The following NAPA variants were observed in gnomAD, a reference collection of about 807,000 sequenced individuals.
NAPA encodes alpha-soluble NSF attachment protein.
Under a neutral mutation model 48.0 loss-of-function variants are expected in NAPA, and 18 were observed. That is an observed-to-expected ratio of 0.38 (90% CI 0.26 to 0.56). The LOEUF is 0.56. NAPA is among the 20% of genes least tolerant of loss of function. The pLI, the probability that NAPA is intolerant of heterozygous loss-of-function variation, is 0.77. For missense variants in NAPA, 315 were observed against 385.0 expected, an observed-to-expected ratio of 0.82 and a Z score of 1.52; for synonymous variants, 152 against 149.9, an observed-to-expected ratio of 1.01 and a Z score of -0.10.
Position 47,503,465 on chromosome 19 carries a change from C to A in NAPA, c.136G>T (p.Ala46Ser). The change falls in exon 2 of 11, where the codon GCC becomes TCC. Residue 46 changes from alanine to serine, a missense_variant. By Grantham distance (99) the Ala-to-Ser change is moderately conservative. Around this residue, in one of 3 missense-constraint regions of NAPA, gnomAD observed 173 missense variants for 213.5 expected, o/e 0.81. Coordinates refer to ENST00000263354, the MANE Select transcript of NAPA (RefSeq NM_003827.4). ...SKIEEACEIYARAANMFKMAK... is the reference protein window; with the variant it reads ...SKIEEACEIYSRAANMFKMAK... ...ATTTTGAACATGTTTGCTGCTCTGG[C>A]GTAGATTTCGCATGCTTCCTCTATT... The A allele has an allele frequency of 6.2e-7, 1 of 1,614,118 alleles. No homozygotes were observed. Among genetic ancestry groups the A allele is most frequent in the South Asian group, 1.1e-5 (1 of 91,086 alleles).
chr19:47,495,393 C>T, intron 4 of NAPA, 157 bp downstream of exon 4: 1 of 800,220 alleles, frequency 1.2e-6, no homozygotes, highest in Non-Finnish European at 2.1e-6. Context: ...CAGCCCAGGC[C>T]AGCTCAGGTG....
rs934699361 is a variant in NAPA, at chr19:47,495,738, C to T, written c.296-142G>A. 10 of 742,422 alleles carry T rather than the reference C, an allele frequency of 1.3e-5. No individual in the cohort carries two copies. The South Asian group carries it at 1.6e-4, about 12-fold the overall frequency. The allele number at this position is 742,422 out of a possible 1,614,324, so 46.0% of individuals were successfully genotyped here. A position where few individuals can be genotyped will look rare whatever the true frequency, so the allele number is the denominator to read the frequency against. On this transcript the variant is annotated intron_variant, in intron 3 of 10. Transcript: ENST00000263354. The stretch of plus-strand genomic sequence containing the variant: ...TCAGAGCTGCCAGCGCTGCCACACA[C>T]TCTCAAGGGGCTGGGAAGAAGGGGA...
At position 47,492,819 on chromosome 19, in the gene NAPA, AT is replaced by A. The variant is rs760064607; in HGVS notation, c.561+141del. The A allele has an allele frequency of 3.8e-5, 29 of 767,726 alleles. No individual in the cohort carries two copies. In the South Asian group the frequency reaches 4.2e-4, roughly 11 times the overall value. The allele number at this position is 767,726 out of a possible 1,614,324, so 47.6% of individuals were successfully genotyped here. ...GCCAGGCTGAAGACAGGGTGGGGGG[AT>A]GACATGGCAAGGGATGTCGGGGGAG... On this transcript the variant is annotated intron_variant, in intron 7 of 10. Transcript: ENST00000263354.
chr19:47,506,182 G>T lies in NAPA; in HGVS notation c.99-2680C>A, dbSNP rs1244108165. Among the ~76,000 whole-genome samples, 1 of 151,958 alleles carries T rather than the reference G, an allele frequency of 6.6e-6. No individual in the cohort carries two copies. Among genetic ancestry groups the T allele is most frequent in the Non-Finnish European group, 1.5e-5 (1 of 68,002 alleles). ...CCTACTAATTTTTGTATTATTAGTA[G>T]AGACAGGGTTTCACCACGTTGGCCA... On this transcript the variant is annotated intron_variant, in intron 1 of 10. Transcript: ENST00000263354. This position sits in a 1 kb window ranked among gnomAD's most constrained non-coding sequence, Gnocchi z 4.0.
chr19:47,492,604 C>T (rs953668416), intron 7 of NAPA: 16 of 433,962 alleles, frequency 3.7e-5, no homozygotes, highest in Admixed American at 6.6e-5. Flanking sequence ...TGAGGACCAT[C>T]GGGCCATGGG....
chr19:47,484,706 ATTTTTTTTT>A (rs35425298), downstream of NAPA, among the ~76,000 whole-genome samples: 3 of 129,174 alleles, frequency 2.3e-5, no homozygotes, highest in Non-Finnish European at 4.9e-5. Context: ...ACAGTTCACT[ATTTTTTTTT>A]TTTTTTTTTT....
At position 47,495,602 on chromosome 19, in the gene NAPA, G is replaced by A. The variant is rs1255574750; in HGVS notation, c.296-6C>T. The A allele has an allele frequency of 6.2e-7, 1 of 1,613,730 alleles. No individual in the cohort carries two copies. The highest frequency in any genetic ancestry group is 8.5e-7 in the Non-Finnish European group (1 of 1,179,836). On this transcript the variant is annotated splice_region_variant and splice_polypyrimidine_tract_variant and intron_variant, in intron 3 of 10. Coordinates refer to ENST00000263354, the MANE Select transcript of NAPA (RefSeq NM_003827.4). ...CATCAAACAGTTAATGGCCTCTGGA[G>A]AGAAAGGGAGGTGGGAGGAGACATG...
chr19:47,504,828 A>C (rs1233873048), intron 1 of NAPA, among the ~76,000 whole-genome samples: 1 of 152,204 alleles, frequency 6.6e-6, no homozygotes, highest in African/African-American at 2.4e-5. Flanking sequence ...TATCCTAAAA[A>C]AACTAATCAG....
At chr19:47,503,307 G>A (rs1278692631) in intron 2 of NAPA, 116 bp downstream of exon 2, 2 of 920,466 alleles carry the variant, frequency 2.2e-6, no homozygotes, top group African/African-American at 1.6e-5. Context: ...TCCGATGCCG[G>A]AGAGGGCATA....
rs2056690 is a variant in NAPA, at chr19:47,498,108, C to T, written c.296-2512G>A. Among the ~76,000 whole-genome samples the T allele has an allele frequency of 9.9e-3, 1,514 of 152,322 alleles. 39 individuals carry two copies. Among genetic ancestry groups the T allele is most frequent in the African/African-American group, 0.034 (1,426 of 41,558 alleles). On this transcript the variant is annotated intron_variant, in intron 3 of 10. Transcript: ENST00000263354. ...AGGGAGAGGAATTCGGGAGCCCAGT[C>T]GGGCCTCAGGCACACTCCAGCTGCC...
chr19:47,495,682 C>G, intron 3 of NAPA, 86 bp from the exon 4 acceptor site: 2 of 1,306,470 alleles, frequency 1.5e-6, no homozygotes, highest in Admixed American at 3.4e-5. Flanking sequence ...CGCAGGCGCA[C>G]CTGGCTGCCA....
intron 1 of NAPA, among the ~76,000 whole-genome samples, chr19:47,509,610 C>T (rs1968767984): frequency 1.3e-5 from 2 of 152,212 alleles, no homozygotes; most frequent in Admixed American, 6.5e-5. Context: ...ATTCCAGGCA[C>T]GCTTCCCTAC....
chr19:47,502,383 T>C (rs1968599066), intron 2 of NAPA, among the ~76,000 whole-genome samples: 1 of 150,196 alleles, frequency 6.7e-6, no homozygotes, highest in Non-Finnish European at 1.5e-5. Context: ...AATTAAAAAA[T>C]AAGCTTTTTT....
chr19:47,490,664 A>ACAAAACAAAAC, intron 9 of NAPA, 124 bp downstream of exon 9: 1 of 820,936 alleles, frequency 1.2e-6, no homozygotes, highest in Middle Eastern at 3.6e-4. Flanking sequence ...ACAAAACAAA[A>ACAAAACAAAAC]CAAAACAAAA....
Position 47,493,311 on chromosome 19 carries a change from G to GC in NAPA, c.420+104dup. On this transcript the variant is annotated intron_variant, in intron 5 of 10. Coordinates refer to ENST00000263354, the MANE Select transcript of NAPA (RefSeq NM_003827.4). The surrounding 1 kb of genome is among the most constrained non-coding windows in gnomAD (Gnocchi z 6.4). ...TCTCCAAGCTCTGCCGGCGCCCCATGCCCCCTTCTCGGCACTCAGACACCA... is the reference window on the plus strand; with the variant it reads ...TCTCCAAGCTCTGCCGGCGCCCCATGCCCCCCTTCTCGGCACTCAGACACCA... 6.7e-7 allele frequency: 1 copy of GC among 1,498,234 alleles called. No individual in the cohort carries two copies. Among genetic ancestry groups the GC allele is most frequent in the East Asian group, 2.3e-5 (1 of 44,014 alleles). The allele number at this position is 1,498,234 out of a possible 1,614,324, so 92.8% of individuals were successfully genotyped here. A position where few individuals can be genotyped will look rare whatever the true frequency, so the allele number is the denominator to read the frequency against.
At chr19:47,490,958 T>G in intron 8 of NAPA, 102 bp from the exon 9 acceptor site, 1 of 998,110 alleles carries the variant, frequency 1.0e-6, no homozygotes, top group South Asian at 1.5e-5. Context: ...TGATATTGAG[T>G]CAGCTCTTGC....
At position 47,489,762 on chromosome 19, in the gene NAPA, C is replaced by A; in HGVS notation, c.736-1G>T. On this transcript the variant is annotated splice_acceptor_variant, in intron 9 of 10. Coordinates refer to ENST00000263354, the MANE Select transcript of NAPA (RefSeq NM_003827.4). LOFTEE classifies it high-confidence loss of function. ...GCTCCTCGTGGGCCTCTAGCAATTT[C>A]TGCAAGCAAATGGCAGAGAGGGGTC... is the stretch of plus-strand genomic sequence containing the variant. 1 of 1,614,056 alleles carries A rather than the reference C, an allele frequency of 6.2e-7. No individual in the cohort carries two copies.
chr19:47,490,421 GAT>G lies in NAPA; in HGVS notation c.735+365_735+366del, dbSNP rs530278390. On this transcript the variant is annotated intron_variant, in intron 9 of 10. Coordinates refer to ENST00000263354, the MANE Select transcript of NAPA (RefSeq NM_003827.4). The stretch of plus-strand genomic sequence containing the variant: ...GTGGTGTGTGTGTAGCGTGTGGTGT[GAT>G]GTGTGTGGTGTGGTGTGATGTGTGT... Among the ~76,000 whole-genome samples, 28 of 139,610 alleles carry G rather than the reference GAT, an allele frequency of 2.0e-4. 1 individual carries two copies. Among genetic ancestry groups the G allele is most frequent in the African/African-American group, 7.7e-4 (28 of 36,422 alleles). 91.6% of individuals were successfully genotyped at this position (139,610 alleles called of 152,430 possible).
At chr19:47,513,097 C>T (rs919947146) in intron 1 of NAPA, among the ~76,000 whole-genome samples, 1 of 152,186 alleles carries the variant, frequency 6.6e-6, no homozygotes, top group African/African-American at 2.4e-5. Context: ...CCTTTCGGGT[C>T]GTCCCATCAG....
Sources: allele counts gnomAD v4.1 joint callset (sites outside exome capture counted in the v4.1 genomes callset), GRCh38; gene constraint gnomAD v4.1.1; regional missense constraint gnomAD v4.1.1; non-coding constraint Gnocchi (gnomAD v3.1); transcripts MANE v1.5; gene names NCBI Gene and HGNC (gene_info 2026-07-23, HGNC 2026-07-21).